RPS6KA5: variants seen among roughly 807,000 people sequenced by gnomAD.
The protein encoded by RPS6KA5 is ribosomal protein S6 kinase A5.
RPS6KA5 carries 27 observed loss-of-function variants against 85.5 expected under a neutral mutation model. The ratio of observed to expected loss-of-function variants is 0.32; its 90% CI spans 0.23 to 0.44. The LOEUF is 0.44. Ranked by LOEUF, RPS6KA5 falls within the 20% of genes least tolerant of loss-of-function variation. RPS6KA5 has a pLI of 1.00. For synonymous variants in RPS6KA5, 334 were observed against 348.2 expected (o/e 0.96, Z 0.46); for missense variants, 811 against 980.9 (o/e 0.83, Z 2.31).
chr14:90,958,444 G>C lies in RPS6KA5; in HGVS notation c.395-10894C>G, dbSNP rs568357205. Among the ~76,000 whole-genome samples the C allele has an allele frequency of 7.9e-5, 12 of 152,242 alleles. 1 individual carries two copies. In the South Asian group the frequency reaches 2.5e-3, roughly 32 times the overall value. Reference sequence around the variant, plus strand: ...ACTTCTGGACTACATTTTGATCTCTGATTTTGCATATCCTTAGAAAGGAAT... The same window carrying C: ...ACTTCTGGACTACATTTTGATCTCTCATTTTGCATATCCTTAGAAAGGAAT... On this transcript the variant is annotated intron_variant, in intron 3 of 16. Coordinates refer to ENST00000614987, the MANE Select transcript of RPS6KA5 (RefSeq NM_004755.4).
intron 2 of RPS6KA5, among the ~76,000 whole-genome samples, chr14:90,979,568 G>A (rs1372587266): frequency 6.6e-6 from 1 of 152,164 alleles, no homozygotes. Context: ...ACTAGAAGAA[G>A]GGAGCTTTAA....
Position 90,871,656 on chromosome 14 carries a change from A to G in RPS6KA5, c.*418T>C, listed in dbSNP as rs1209151568. 2 of 154,444 alleles carry G rather than the reference A, an allele frequency of 1.3e-5. No homozygotes were observed. Among genetic ancestry groups the G allele is most frequent in the Non-Finnish European group, 2.9e-5 (2 of 69,580 alleles). 9.6% of individuals were successfully genotyped at this position (154,444 alleles called of 1,614,324 possible). A position where few individuals can be genotyped will look rare whatever the true frequency, so the allele number is the denominator to read the frequency against. On this transcript the variant is annotated 3_prime_UTR_variant, in exon 17 of 17. Coordinates refer to ENST00000614987, the MANE Select transcript of RPS6KA5 (RefSeq NM_004755.4). ...TTTTGAAAACAGACCCCTTTCTCTG[A>G]TAAATCATTGTTTGAAGGGTGCAAA...
At chr14:90,940,147 C>T (rs1008577086) in intron 5 of RPS6KA5, among the ~76,000 whole-genome samples, 1 of 152,186 alleles carries the variant, frequency 6.6e-6, no homozygotes, top group East Asian at 1.9e-4. Context: ...TCCTCTAGGG[C>T]TAACAGGAAG....
chr14:90,973,590 T>C (rs1361418568), intron 3 of RPS6KA5, among the ~76,000 whole-genome samples: 1 of 151,408 alleles, frequency 6.6e-6, no homozygotes, highest in Admixed American at 6.6e-5. Flanking sequence ...TAATAAACAA[T>C]AACCCAAGGA....
At chr14:90,890,816 A>G (rs2034510339) in intron 13 of RPS6KA5, 138 bp from the exon 14 acceptor site, 1 of 648,478 alleles carries the variant, frequency 1.5e-6, no homozygotes, top group Admixed American at 2.8e-5. Context: ...AGGGCAGGAC[A>G]TCAATACACT....
chr14:90,983,734 A>G (rs1421403071), intron 2 of RPS6KA5, among the ~76,000 whole-genome samples: 2 of 152,016 alleles, frequency 1.3e-5, no homozygotes, highest in East Asian at 1.9e-4. Flanking sequence ...ATGAAAAGCA[A>G]AAGAGAACAT....
chr14:91,019,380 T>C (rs1304443198), intron 1 of RPS6KA5, among the ~76,000 whole-genome samples: 2 of 152,320 alleles, frequency 1.3e-5, no homozygotes, highest in South Asian at 2.1e-4. Flanking sequence ...ACAAAAAGAC[T>C]GTCCTCTCCT....
intron 3 of RPS6KA5, among the ~76,000 whole-genome samples, chr14:90,977,565 G>C (rs185288593): frequency 3.1e-4 from 47 of 152,046 alleles, no homozygotes; most frequent in African/African-American, 1.0e-3. Context: ...AGGAACAGAA[G>C]TCTTTTCTTT....
chr14:90,935,698 A>G (rs1418879873), intron 5 of RPS6KA5, among the ~76,000 whole-genome samples: 2 of 152,224 alleles, frequency 1.3e-5, no homozygotes, highest in Non-Finnish European at 2.9e-5. Flanking sequence ...TCATAAATCC[A>G]TAGGCTTTTC....
intron 7 of RPS6KA5, among the ~76,000 whole-genome samples, chr14:90,912,185 T>C (rs2035862024): frequency 6.6e-6 from 1 of 152,210 alleles, no homozygotes; most frequent in Non-Finnish European, 1.5e-5. Context: ...TCCTCCCAAA[T>C]GCTATATAAA....
chr14:90,962,437 G>T (rs1387364514), intron 3 of RPS6KA5, among the ~76,000 whole-genome samples: 1 of 151,834 alleles, frequency 6.6e-6, no homozygotes, highest in Non-Finnish European at 1.5e-5. Context: ...CCAAGTAGCT[G>T]GGACTATAGG....
At chr14:90,946,026 T>C (rs2037852452) in intron 4 of RPS6KA5, among the ~76,000 whole-genome samples, 1 of 152,238 alleles carries the variant, frequency 6.6e-6, no homozygotes, top group South Asian at 2.1e-4. Flanking sequence ...CTCATATTTA[T>C]GATGATTTCT....
At chr14:90,899,993 C>A (rs2035073191) in intron 11 of RPS6KA5, 115 bp downstream of exon 11, 4 of 858,734 alleles carry the variant, frequency 4.7e-6, no homozygotes, top group South Asian at 6.2e-5. Flanking sequence ...AGTGGTTAAA[C>A]CTTTGGGTAA....
At chr14:91,002,218 A>G (rs1296312959) in intron 1 of RPS6KA5, among the ~76,000 whole-genome samples, 1 of 152,142 alleles carries the variant, frequency 6.6e-6, no homozygotes, top group African/African-American at 2.4e-5. Context: ...AAGCATACTG[A>G]TATCTGTGAT....
At chr14:90,958,972 G>A (rs1052576535) in intron 3 of RPS6KA5, among the ~76,000 whole-genome samples, 7 of 151,888 alleles carry the variant, frequency 4.6e-5, no homozygotes, top group South Asian at 2.1e-4. Flanking sequence ...GCAAGAACAT[G>A]AGCTGAGCAC....
At chr14:91,018,569 T>C (rs531364666) in intron 1 of RPS6KA5, among the ~76,000 whole-genome samples, 1 of 152,320 alleles carries the variant, frequency 6.6e-6, no homozygotes, top group African/African-American at 2.4e-5. Flanking sequence ...GGCTTTCATC[T>C]TTCTCCTATG....
At chr14:90,897,944 G>A (rs12431875) in intron 12 of RPS6KA5, among the ~76,000 whole-genome samples, 29,796 of 152,040 alleles carry the variant, frequency 0.2, 3,044 homozygotes, top group Middle Eastern at 0.23. Context: ...CTCTTGTGTC[G>A]AGTGGCTTGA....
At chr14:90,978,576 T>C (rs1260240659) in intron 2 of RPS6KA5, 52 bp from the exon 3 acceptor site, 13 of 1,397,590 alleles carry the variant, frequency 9.3e-6, no homozygotes, top group Non-Finnish European at 1.3e-5. Flanking sequence ...ACAGGCAAAA[T>C]GGTAATTTAG....
intron 1 of RPS6KA5, among the ~76,000 whole-genome samples, chr14:91,039,571 T>C (rs909862265): frequency 3.9e-4 from 59 of 152,190 alleles, no homozygotes; most frequent in African/African-American, 1.4e-3. Context: ...TCAAGGTCCT[T>C]ATGTTTCTGA....
Sources: allele counts gnomAD v4.1 joint callset (sites outside exome capture counted in the v4.1 genomes callset), GRCh38; gene constraint gnomAD v4.1.1; transcripts MANE v1.5; gene names NCBI Gene and HGNC (gene_info 2026-07-23, HGNC 2026-07-21).